The following ZNF385D variants were observed in gnomAD, a reference collection of about 807,000 sequenced individuals.
The protein encoded by ZNF385D is zinc finger protein 385D, also known as zinc finger protein 659.
Under a neutral mutation model 35.8 loss-of-function variants are expected in ZNF385D, and 15 were observed. That is an observed-to-expected ratio of 0.42 (90% CI 0.28 to 0.64). The LOEUF (loss-of-function observed/expected upper bound fraction) is 0.64, where lower values mean the gene tolerates loss of function less well. Among genes scored for constraint, ZNF385D ranks in the 30% least tolerant of loss-of-function variants. The pLI, the probability that ZNF385D is intolerant of heterozygous loss-of-function variation, is 0.23. For synonymous variants in ZNF385D, 212 were observed against 186.8 expected, an observed-to-expected ratio of 1.13 and a Z score of -1.10; for missense variants, 474 against 494.6, an observed-to-expected ratio of 0.96 and a Z score of 0.39.
chr3:22,097,866 C>A (rs1437199777), intron 3 of ZNF385D, among the ~76,000 whole-genome samples: 1 of 151,954 alleles, frequency 6.6e-6, no homozygotes, highest in South Asian at 2.1e-4. Flanking sequence ...GTCTTTACGG[C>A]CTTGACAGGA....
At chr3:21,808,535 T>C (rs1056060869) in intron 3 of ZNF385D, among the ~76,000 whole-genome samples, 1 of 152,196 alleles carries the variant, frequency 6.6e-6, no homozygotes, top group African/African-American at 2.4e-5. Context: ...AAGAACGCTG[T>C]TGACCCTCTT....
intron 3 of ZNF385D, among the ~76,000 whole-genome samples, chr3:22,095,074 T>C (rs908927395): frequency 4.6e-5 from 7 of 150,602 alleles, no homozygotes; most frequent in Non-Finnish European, 8.9e-5. Flanking sequence ...TGCCCAGTTA[T>C]TTTTTCATTC....
chr3:22,133,356 T>G (rs1013072021), intron 3 of ZNF385D, among the ~76,000 whole-genome samples: 1 of 152,054 alleles, frequency 6.6e-6, no homozygotes, highest in Non-Finnish European at 1.5e-5. Context: ...ATAAACTCTC[T>G]ATATCTCTAT....
At chr3:22,142,963 C>T (rs907815738) in intron 3 of ZNF385D, among the ~76,000 whole-genome samples, 4 of 151,504 alleles carry the variant, frequency 2.6e-5, no homozygotes, top group Non-Finnish European at 4.4e-5. Context: ...TTTCACTGCC[C>T]GTAAGTTTGA....
At position 22,220,809 on chromosome 3, in the gene ZNF385D, G is replaced by A. The variant is rs987130303; in HGVS notation, c.107-51774C>T. 2.6e-5 allele frequency among the ~76,000 whole-genome samples: 4 copies of A among 152,106 alleles called. No individual in the cohort carries two copies. In the East Asian group the frequency reaches 7.7e-4, roughly 29 times the overall value. ...CTTTCCCTAAGTATTATTTTCTACT[G>A]TGCTACTATAGCTATTTGCAGTGTA... On this transcript the variant is annotated intron_variant, in intron 2 of 5. Transcript: ENST00000494108.
chr3:21,529,426 T>G (rs2061867725), intron 3 of ZNF385D, among the ~76,000 whole-genome samples: 1 of 152,160 alleles, frequency 6.6e-6, no homozygotes, highest in African/African-American at 2.4e-5. Flanking sequence ...ACCCTTCAAG[T>G]GTACAGCTTT....
chr3:22,185,883 G>C (rs370189025), intron 2 of ZNF385D, among the ~76,000 whole-genome samples: 4 of 152,166 alleles, frequency 2.6e-5, no homozygotes, highest in Admixed American at 2.0e-4. Flanking sequence ...TGAGTGTATT[G>C]TACATTTAAC....
intron 3 of ZNF385D, among the ~76,000 whole-genome samples, chr3:21,938,504 C>T (rs949137486): frequency 6.6e-6 from 1 of 152,198 alleles, no homozygotes; most frequent in African/African-American, 2.4e-5. Flanking sequence ...GACAATGACT[C>T]CACATATACT....
At chr3:22,010,557 T>C (rs1327857089) in intron 3 of ZNF385D, among the ~76,000 whole-genome samples, 2 of 152,174 alleles carry the variant, frequency 1.3e-5, no homozygotes, top group East Asian at 3.9e-4. Flanking sequence ...AAGTCCAATA[T>C]GACACAGTTG....
rs376325623 is a variant in ZNF385D at position 22,018,220 on chromosome 3, C to CTCTT, written c.325+150596_325+150597insAAGA. Among the ~76,000 whole-genome samples the CTCTT allele has an allele frequency of 5.6e-3, 846 of 151,094 alleles. 8 individuals are homozygous for CTCTT. Among genetic ancestry groups the CTCTT allele is most frequent in the African/African-American group, 0.019 (777 of 41,218 alleles). ...TTTCTCTAGTTAGAAATAAATATGA[C>CTCTT]TGTCTAAGAGGGATATGTGTTTTTT... is the stretch of plus-strand genomic sequence containing the variant. On this transcript the variant is annotated intron_variant, in intron 3 of 5. Transcript: ENST00000494108.
intron 3 of ZNF385D, among the ~76,000 whole-genome samples, chr3:21,967,856 G>C (rs12634207): frequency 0.25 from 37,890 of 152,080 alleles, 5,180 homozygotes; most frequent in East Asian, 0.32. Flanking sequence ...CTCTACAGGA[G>C]CACCAAATTG....
intron 3 of ZNF385D, among the ~76,000 whole-genome samples, chr3:21,859,991 G>A (rs1679235): frequency 0.88 from 133,237 of 151,974 alleles, 58,824 homozygotes; most frequent in South Asian, 0.93. Context: ...AAAAGTATCA[G>A]AAATTAAAAA....
At chr3:22,110,794 A>G (rs976850963) in intron 3 of ZNF385D, among the ~76,000 whole-genome samples, 8 of 152,024 alleles carry the variant, frequency 5.3e-5, no homozygotes, top group African/African-American at 1.9e-4. Context: ...ATAATAAAAA[A>G]AAAAAGAAAA....
chr3:22,084,290 T>C (rs928670468), intron 3 of ZNF385D, among the ~76,000 whole-genome samples: 2 of 152,158 alleles, frequency 1.3e-5, no homozygotes, highest in African/African-American at 4.8e-5. Context: ...GACTGGCAAA[T>C]TGGATAGAGT....
chr3:21,984,359 G>A lies in ZNF385D; in HGVS notation c.325+184458C>T, dbSNP rs1172517409. 1.7e-4 allele frequency among the ~76,000 whole-genome samples: 21 copies of A among 125,164 alleles called. 2 individuals carry two copies. Among genetic ancestry groups the A allele is most frequent in the Non-Finnish European group, 2.4e-4 (15 of 62,554 alleles). The allele number at this position is 125,164 out of a possible 152,430, so 82.1% of individuals were successfully genotyped here. A position where few individuals can be genotyped will look rare whatever the true frequency, so the allele number is the denominator to read the frequency against. On this transcript the variant is annotated intron_variant, in intron 3 of 5. Transcript: ENST00000494108. ...ATTTTTGTATAAGGTGTAAGGAAGG[G>A]ATCCAGTTTCAGCTTTCTACATATG...
At chr3:21,942,529 T>C (rs1701572160) in intron 3 of ZNF385D, 1 of 152,230 alleles carries the variant, frequency 6.6e-6, no homozygotes, top group African/African-American at 2.4e-5. Context: ...CATAATTTGC[T>C]CCTTGATTTA....
chr3:21,658,301 T>G (rs1259536391), intron 2 of ZNF385D, among the ~76,000 whole-genome samples: 1 of 152,016 alleles, frequency 6.6e-6, no homozygotes, highest in South Asian at 2.1e-4. Context: ...TTAACCAGAG[T>G]AAACAAACAC....
In ZNF385D at chr3:21,895,482, C is replaced by A. The variant is rs191204578; in HGVS notation, c.326-230454G>T. 8.6e-4 allele frequency among the ~76,000 whole-genome samples: 130 copies of A among 150,894 alleles called. 1 individual carries two copies. Among genetic ancestry groups the A allele is most frequent in the African/African-American group, 3.1e-3 (127 of 41,152 alleles). ...GCTGGGGACTACAGGCTCATAGCAC[C>A]ATGCCTGGCTAATTTTTTTTTTTTT... is the stretch of plus-strand genomic sequence containing the variant. On this transcript the variant is annotated intron_variant, in intron 3 of 5. Transcript: ENST00000494108.
At chr3:21,524,384 G>A (rs1708101769) in intron 3 of ZNF385D, among the ~76,000 whole-genome samples, 1 of 152,168 alleles carries the variant, frequency 6.6e-6, no homozygotes, top group Non-Finnish European at 1.5e-5. Flanking sequence ...TTGAATGAGT[G>A]AACTAAGACT....
Sources: allele counts gnomAD v4.1 joint callset (sites outside exome capture counted in the v4.1 genomes callset), GRCh38; gene constraint gnomAD v4.1.1; transcripts MANE v1.5; gene names NCBI Gene and HGNC (gene_info 2026-07-23, HGNC 2026-07-21).